Variants in PYY observed in about 807,000 individuals in gnomAD.
The protein encoded by PYY is peptide tyrosine tyrosine.
PYY carries 12 observed loss-of-function variants against 10.3 expected under a neutral mutation model. That is an observed-to-expected ratio of 1.17 (90% CI 0.75 to 1.89). The LOEUF is 1.89. Among genes scored for constraint, PYY ranks in the 40% most tolerant of loss-of-function variants. PYY has a pLI of 0.00. For synonymous variants in PYY, 66 were observed against 62.0 expected (o/e 1.06, Z -0.30); for missense variants, 141 against 134.0 (o/e 1.05, Z -0.26).
Position 43,953,188 on chromosome 17 carries a change from A to G in PYY, c.190T>C (p.Tyr64His). ...GTGTCCGGGCCGTCTCTTTTCCCAT[A>G]CCTGGGGGCGGGGAAGGGAAGAGCG... Reference protein sequence around the residue: ...HYLNLVTRQRYGKRDGPDTLL... With the variant: ...HYLNLVTRQRHGKRDGPDTLL... The change falls in exon 3 of 4, where the codon TAT becomes CAT. Residue 64 changes from tyrosine to histidine, a missense_variant and splice_region_variant. By Grantham distance (83) the Tyr-to-His change is moderately conservative. Coordinates refer to ENST00000692052, the MANE Select transcript of PYY (RefSeq NM_001394028.1). 1 of 1,604,348 alleles carries G rather than the reference A, an allele frequency of 6.2e-7. No homozygotes were observed. The highest frequency in any genetic ancestry group is 8.5e-7 in the Non-Finnish European group (1 of 1,173,660).
intron 1 of PYY, among the ~76,000 whole-genome samples, chr17:43,975,137 C>T (rs2048820284): frequency 6.6e-6 from 1 of 152,174 alleles, no homozygotes; most frequent in Admixed American, 6.6e-5. Flanking sequence ...GGAGTTGCGG[C>T]ACTCCTATCC....
At chr17:43,959,625 T>C (rs779703387) in intron 2 of PYY, among the ~76,000 whole-genome samples, 4 of 152,228 alleles carry the variant, frequency 2.6e-5, no homozygotes, top group African/African-American at 7.2e-5. Context: ...GAGATTGTAA[T>C]GAGCCAAGAT....
At chr17:44,000,040 G>A (rs941173237) in intron 1 of PYY, among the ~76,000 whole-genome samples, 2 of 151,980 alleles carry the variant, frequency 1.3e-5, no homozygotes, top group Non-Finnish European at 2.9e-5. Context: ...TTTGAGAAAA[G>A]CCTCACTCTG....
At chr17:43,976,936 C>T (rs1231637779) in intron 1 of PYY, among the ~76,000 whole-genome samples, 1 of 152,158 alleles carries the variant, frequency 6.6e-6, no homozygotes, top group Non-Finnish European at 1.5e-5. Flanking sequence ...CCTCACCCCA[C>T]CCTACCCGAT....
upstream of PYY, chr17:43,957,795 T>C (rs1300868808): frequency 6.5e-6 from 1 of 153,890 alleles, no homozygotes; most frequent in African/African-American, 2.4e-5. Context: ...GATCGCTCAC[T>C]TGAGCCCAGG....
In PYY at chr17:43,997,449, G is replaced by A. The variant is rs548493413; in HGVS notation, c.-463+6942C>T. Among the ~76,000 whole-genome samples, 3 of 152,272 alleles carry A rather than the reference G, an allele frequency of 2.0e-5. No individual in the cohort carries two copies. The East Asian group carries it at 5.8e-4, about 29-fold the overall frequency. ...AGTAGAGGACACAGCCAGTGCCAAGGCAAAAGTAATTGTACCTGACATGCT... is the reference window on the plus strand; with the variant it reads ...AGTAGAGGACACAGCCAGTGCCAAGACAAAAGTAATTGTACCTGACATGCT... On this transcript the variant is annotated intron_variant, in intron 1 of 6. Coordinates refer to the PYY transcript ENST00000360085.
chr17:43,973,097 C>A (rs1233708636), intron 1 of PYY, among the ~76,000 whole-genome samples: 2 of 152,048 alleles, frequency 1.3e-5, no homozygotes, highest in Non-Finnish European at 2.9e-5. Context: ...CTTCAGCCTC[C>A]CAAAGTGCTG....
At chr17:43,971,326 T>C (rs1381901511) in intron 1 of PYY, among the ~76,000 whole-genome samples, 1 of 152,142 alleles carries the variant, frequency 6.6e-6, no homozygotes, top group East Asian at 1.9e-4. Context: ...TCCCAGCACT[T>C]TGGGAGGCCA....
At chr17:43,989,619 A>G (rs766149024) in intron 1 of PYY, among the ~76,000 whole-genome samples, 102 of 151,620 alleles carry the variant, frequency 6.7e-4, no homozygotes, top group Non-Finnish European at 1.1e-3. Flanking sequence ...CAATAGACTA[A>G]GAAAAATTCA....
rs1179388048 is a variant in PYY at position 43,990,954 on chromosome 17, C to T, written c.-463+13437G>A. On this transcript the variant is annotated intron_variant, in intron 1 of 6. Coordinates refer to the PYY transcript ENST00000360085. ...GGACTACAGGCGCCCGCCACCACGC[C>T]CGGCTAATTTTTTGTATTTTTTAGT... Among the ~76,000 whole-genome samples the T allele has an allele frequency of 2.0e-5, 3 of 151,758 alleles. No individual in the cohort carries two copies. In the East Asian group the frequency reaches 5.9e-4, roughly 30 times the overall value.
At chr17:43,957,070 T>C (rs143983636), upstream of PYY, among the ~76,000 whole-genome samples, 2 of 151,606 alleles carry the variant, frequency 1.3e-5, no homozygotes, top group East Asian at 2.0e-4. Flanking sequence ...TCGTGGCGCA[T>C]GCCTGTAGTC....
In PYY at chr17:43,970,709, G is replaced by A. The variant is rs146716595; in HGVS notation, c.-462-4177C>T. 2.1e-3 allele frequency among the ~76,000 whole-genome samples: 320 copies of A among 152,262 alleles called. No individual in the cohort carries two copies. The Middle Eastern group carries it at 0.024, about 11-fold the overall frequency. ...ACAGAAGGACTGTATCACTCCGAAG[G>A]ACCCCCTAGTACTATCCCTGTGTGG... On this transcript the variant is annotated intron_variant, in intron 1 of 6. Transcript: ENST00000360085.
rs184039497 is a variant in PYY at position 43,967,757 on chromosome 17, C to T, written c.-462-1225G>A. Among the ~76,000 whole-genome samples, 394 of 152,102 alleles carry T rather than the reference C, an allele frequency of 2.6e-3. 1 individual carries two copies. The highest frequency in any genetic ancestry group is 8.0e-3 in the African/African-American group (332 of 41,496). Reference sequence around the variant, plus strand: ...CTGAAGAGTGTGAAAGTAAACACAGCGGGGAAACGGGGGAAGAAAGCCAGA... The same window carrying T: ...CTGAAGAGTGTGAAAGTAAACACAGTGGGGAAACGGGGGAAGAAAGCCAGA... On this transcript the variant is annotated intron_variant, in intron 1 of 6. Coordinates refer to the PYY transcript ENST00000360085.
intron 1 of PYY, among the ~76,000 whole-genome samples, chr17:43,967,922 G>A (rs754356798): frequency 1.3e-5 from 2 of 152,144 alleles, no homozygotes; most frequent in South Asian, 2.1e-4. Flanking sequence ...GTTCTGCCTC[G>A]AGGAGTGGAA....
chr17:44,003,163 C>A (rs1325473099), intron 1 of PYY, among the ~76,000 whole-genome samples: 1 of 152,088 alleles, frequency 6.6e-6, no homozygotes, highest in African/African-American at 2.4e-5. Flanking sequence ...TCCTGAGTAG[C>A]TGGGATTACA....
chr17:43,964,436 G>T (rs545811276), intron 2 of PYY, among the ~76,000 whole-genome samples: 3 of 152,308 alleles, frequency 2.0e-5, no homozygotes, highest in African/African-American at 7.2e-5. Context: ...GCCTGGTGAT[G>T]AGCATTAAGT....
chr17:43,978,316 AGGAAG>A (rs56832317), intron 1 of PYY, among the ~76,000 whole-genome samples: 80,608 of 148,784 alleles, frequency 0.54, 23,306 homozygotes, highest in South Asian at 0.68. Context: ...GAAGGAAGGA[AGGAAG>A]GGAAGGGAAG....
chr17:44,000,395 C>T (rs1054624604), intron 1 of PYY, among the ~76,000 whole-genome samples: 2 of 151,940 alleles, frequency 1.3e-5, no homozygotes, highest in African/African-American at 4.8e-5. Context: ...TAGATAAGGG[C>T]AGATGGCACT....
chr17:43,979,342 G>A (rs1025875211), intron 1 of PYY, among the ~76,000 whole-genome samples: 3 of 152,148 alleles, frequency 2.0e-5, no homozygotes, highest in African/African-American at 7.2e-5. Context: ...CCTGATTTAA[G>A]TCCTTGTTAT....
Sources: gnomAD v4.1 joint callset for allele counts (sites outside exome capture counted in the v4.1 genomes callset) on GRCh38, gnomAD v4.1.1 for gene constraint, MANE v1.5 for transcripts, NCBI Gene and HGNC (gene_info 2026-07-23, HGNC 2026-07-21) for gene names.